The following RBBP8NL variants were observed in gnomAD, a reference collection of about 807,000 sequenced individuals.
The protein encoded by RBBP8NL is RBBP8 N-terminal like.
RBBP8NL carries 59 observed loss-of-function variants against 62.2 expected under a neutral mutation model. That is an observed-to-expected ratio of 0.95 (90% CI 0.77 to 1.18). The LOEUF is 1.18. Among genes scored for constraint, RBBP8NL ranks in the 50% most tolerant of loss-of-function variants. The pLI, the probability that RBBP8NL is intolerant of heterozygous loss-of-function variation, is 0.00. For missense variants in RBBP8NL, 896 were observed against 899.5 expected, an observed-to-expected ratio of 1.00 and a Z score of 0.05; for synonymous variants, 412 against 394.1, an observed-to-expected ratio of 1.05 and a Z score of -0.54.
At chr20:62,419,544 T>A (rs777019783) in intron 2 of RBBP8NL, 43 bp downstream of exon 2, 1 of 1,592,620 alleles carries the variant, frequency 6.3e-7, no homozygotes, top group Non-Finnish European at 8.6e-7. Flanking sequence ...GTGAGGGCTG[T>A]GGAGACCCCT....
chr20:62,416,505 T>C (rs1290128202), intron 5 of RBBP8NL, among the ~76,000 whole-genome samples: 1 of 152,120 alleles, frequency 6.6e-6, no homozygotes. Context: ...CTTCCGCATC[T>C]CAGGAAGGAG....
chr20:62,413,008 G>A, intron 11 of RBBP8NL, 108 bp from the exon 12 acceptor site: 2 of 1,281,004 alleles, frequency 1.6e-6, no homozygotes, highest in Non-Finnish European at 2.2e-6. Flanking sequence ...GGAAACTGAG[G>A]CACGGAGGGC....
At chr20:62,415,315 C>T (rs141285142) in intron 8 of RBBP8NL, 28 bp from the exon 9 acceptor site, 88 of 1,548,940 alleles carry the variant, frequency 5.7e-5, no homozygotes, top group African/African-American at 3.1e-4. Flanking sequence ...TCAGCCTGGG[C>T]GGGGGCATGC....
chr20:62,413,794 G>T (rs753744413), intron 10 of RBBP8NL, 27 bp downstream of exon 10: 4 of 1,568,750 alleles, frequency 2.5e-6, no homozygotes, highest in Non-Finnish European at 3.5e-6. Context: ...CTGAGGACCG[G>T]GTCTGAGCCA....
chr20:62,422,750 A>G (rs1479642644), intron 1 of RBBP8NL, among the ~76,000 whole-genome samples: 2 of 151,188 alleles, frequency 1.3e-5, no homozygotes, highest in African/African-American at 2.4e-5. Context: ...CCTGTGATCA[A>G]GCATTAGTGC....
Position 62,415,951 on chromosome 20 carries a change from G to A in RBBP8NL, c.387-6C>T. On this transcript the variant is annotated splice_polypyrimidine_tract_variant and splice_region_variant and intron_variant, in intron 6 of 13. Transcript: ENST00000252998. ...CCCGGGGCTTGGGCCTGTCTCTAGA[G>A]GGGAGGCAGAGACAGGGAGGGTGAG... 1 of 1,520,906 alleles carries A rather than the reference G, an allele frequency of 6.6e-7. No homozygotes were observed. The highest frequency in any genetic ancestry group is 8.8e-7 in the Non-Finnish European group (1 of 1,134,372). The allele number at this position is 1,520,906 out of a possible 1,614,324, so 94.2% of individuals were successfully genotyped here.
rs551245223 is a variant in RBBP8NL at position 62,427,049 on chromosome 20, C to G, written c.-84+411G>C. ...TCAGTGCCCAGCTGCGGGTGCTGCA[C>G]CCCTGCACCACCCTCACCCCTGTGG... On this transcript the variant is annotated intron_variant, in intron 1 of 13. Transcript: ENST00000252998. Among the ~76,000 whole-genome samples the G allele has an allele frequency of 9.8e-5, 15 of 152,334 alleles. 1 individual carries two copies. The South Asian group carries it at 1.0e-3, about 11-fold the overall frequency.
chr20:62,422,253 G>A (rs1179270469), intron 1 of RBBP8NL, among the ~76,000 whole-genome samples: 1 of 152,166 alleles, frequency 6.6e-6, no homozygotes, highest in Non-Finnish European at 1.5e-5. Flanking sequence ...AGACGCCCAC[G>A]TGAGGGTCCT....
chr20:62,416,887 A>G lies in RBBP8NL; in HGVS notation c.201-15T>C, dbSNP rs1988581110. On this transcript the variant is annotated splice_polypyrimidine_tract_variant and intron_variant, in intron 4 of 13. Coordinates refer to ENST00000252998, the MANE Select transcript of RBBP8NL (RefSeq NM_080833.3). ...CGGCCCGCAGCCTGCAGGGATGGGG[A>G]CGCAGGGGGTGTGAGGGATGGCACG... 1.3e-6 allele frequency: 2 copies of G among 1,534,038 alleles called. No homozygotes were observed. Among genetic ancestry groups the G allele is most frequent in the Middle Eastern group, 1.9e-4 (1 of 5,238 alleles).
Position 62,414,372 on chromosome 20 carries a change from C to A in RBBP8NL, c.979G>T (p.Ala327Ser). ...TCTGTGGGCTCCTCCCAGGCCTCTGCTTCTCTGGCCTTCAGGTCCTGGAGC... is the reference window on the plus strand; with the variant it reads ...TCTGTGGGCTCCTCCCAGGCCTCTGATTCTCTGGCCTTCAGGTCCTGGAGC... ...PRLQDLKARE[A>S]EAWEEPTELL... Residue 327 changes from alanine (A) to serine (S), a missense_variant, in exon 10 of 14, where the codon GCA becomes TCA. Physicochemically the swap from Ala to Ser is moderately conservative, Grantham distance 99 (BLOSUM62 1). Transcript: ENST00000252998. The A allele has an allele frequency of 6.5e-7, 1 of 1,544,458 alleles. No individual in the cohort carries two copies. Among genetic ancestry groups the A allele is most frequent in the Non-Finnish European group, 8.8e-7 (1 of 1,141,002 alleles).
rs1555892566 is a variant in RBBP8NL at position 62,420,379 on chromosome 20, C to CACACAT, written c.-83-650_-83-649insATGTGT. Among the ~76,000 whole-genome samples, 39 of 145,858 alleles carry CACACAT rather than the reference C, an allele frequency of 2.7e-4. 3 individuals carry two copies. Among genetic ancestry groups the CACACAT allele is most frequent in the African/African-American group, 8.3e-4 (31 of 37,340 alleles). ...ACACACACACACACACACACACACA[C>CACACAT]ACACACACACACACAGATAGCATGT... On this transcript the variant is annotated intron_variant, in intron 1 of 13. Coordinates refer to ENST00000252998, the MANE Select transcript of RBBP8NL (RefSeq NM_080833.3).
Position 62,426,716 on chromosome 20 carries a change from C to T in RBBP8NL, c.-84+744G>A, listed in dbSNP as rs539632126. On this transcript the variant is annotated intron_variant, in intron 1 of 13. Coordinates refer to ENST00000252998, the MANE Select transcript of RBBP8NL (RefSeq NM_080833.3). ...GCCCTGACCCAGGCTCCTGTGCACA[C>T]ACCGCCGCAGGGCCCCCGGGACAGC... Among the ~76,000 whole-genome samples the T allele has an allele frequency of 3.3e-5, 5 of 152,380 alleles. 1 individual carries two copies. The highest frequency in any genetic ancestry group is 3.3e-4 in the Admixed American group (5 of 15,312).
intron 5 of RBBP8NL, 101 bp downstream of exon 5, chr20:62,416,659 C>T (rs1032321952): frequency 3.7e-5 from 28 of 766,330 alleles, no homozygotes; most frequent in South Asian, 1.7e-4. Context: ...TGGGGCCGAT[C>T]GTCCTGCCTC....
chr20:62,425,941 A>G (rs1486702960), intron 1 of RBBP8NL, among the ~76,000 whole-genome samples: 2 of 150,760 alleles, frequency 1.3e-5, no homozygotes, highest in African/African-American at 4.9e-5. Flanking sequence ...CAGTAGCAGT[A>G]GCAGTGGCAG....
intron 2 of RBBP8NL, 118 bp downstream of exon 2, chr20:62,419,469 C>T: frequency 9.2e-7 from 1 of 1,088,050 alleles, no homozygotes; most frequent in Non-Finnish European, 1.3e-6. Context: ...AGACGGGGTC[C>T]ATTCCCTGAC....
intron 1 of RBBP8NL, among the ~76,000 whole-genome samples, 171 bp downstream of exon 1, chr20:62,427,289 G>A (rs1299474562): frequency 6.6e-6 from 1 of 152,236 alleles, no homozygotes; most frequent in Non-Finnish European, 1.5e-5. Context: ...CCCTGGACCA[G>A]GAGCAGCCTT....
At chr20:62,414,918 C>T (rs1988527322) in intron 9 of RBBP8NL, among the ~76,000 whole-genome samples, 1 of 152,244 alleles carries the variant, frequency 6.6e-6, no homozygotes, top group African/African-American at 2.4e-5. Context: ...AGACAATGTC[C>T]ACATCCCCTG....
At chr20:62,411,110 G>A (rs892330102) in intron 13 of RBBP8NL, 114 bp from the exon 14 acceptor site, 2 of 717,468 alleles carry the variant, frequency 2.8e-6, no homozygotes, top group Non-Finnish European at 4.9e-6. Flanking sequence ...TGGGTGCTTG[G>A]GGAAGTTTGC....
At position 62,420,375 on chromosome 20, in the gene RBBP8NL, C is replaced by T. The variant is rs77015936; in HGVS notation, c.-83-645G>A. ...GCACACACACACACACACACACACA[C>T]ACACACACACACACACACAGATAGC... On this transcript the variant is annotated intron_variant, in intron 1 of 13. Transcript: ENST00000252998. Among the ~76,000 whole-genome samples the T allele has an allele frequency of 5.7e-4, 85 of 150,442 alleles. No homozygotes were observed. The South Asian group carries it at 0.018, about 31-fold the overall frequency.
Sources: gnomAD v4.1 joint callset for allele counts (sites outside exome capture counted in the v4.1 genomes callset) on GRCh38, gnomAD v4.1.1 for gene constraint, MANE v1.5 for transcripts, NCBI Gene and HGNC (gene_info 2026-07-23, HGNC 2026-07-21) for gene names.